TOMM20L: variants seen among roughly 807,000 people sequenced by gnomAD.
The protein encoded by TOMM20L is translocase of outer mitochondrial membrane 20 like, also known as TOMM20-like protein 1.
In TOMM20L, 19 loss-of-function variants were observed where a neutral mutation model predicts 20.4. That is an observed-to-expected ratio of 0.93 (90% confidence interval 0.65 to 1.36). The LOEUF (loss-of-function observed/expected upper bound fraction) is 1.36, where lower values mean the gene tolerates loss of function less well. TOMM20L is among the 40% of genes most tolerant of loss of function. The pLI, the probability that TOMM20L is intolerant of heterozygous loss-of-function variation, is 0.00. For missense variants in TOMM20L, 218 were observed against 203.7 expected, an observed-to-expected ratio of 1.07 and a Z score of -0.43; for synonymous variants, 75 against 79.6, an observed-to-expected ratio of 0.94 and a Z score of 0.30.
intron 2 of TOMM20L, among the ~76,000 whole-genome samples, chr14:58,397,276 A>G (rs544331271): frequency 2.9e-4 from 44 of 151,614 alleles, no homozygotes; most frequent in African/African-American, 8.2e-4. Context: ...GTGTATATAT[A>G]TGTGTGTGTG....
downstream of TOMM20L, chr14:58,411,763 C>T (rs1000605697): frequency 4.4e-6 from 3 of 683,800 alleles, no homozygotes; most frequent in African/African-American, 5.4e-5. Flanking sequence ...TCTTGAACTC[C>T]TGACTTCATG....
chr14:58,396,199 T>C, intron 1 of TOMM20L, 99 bp from the exon 2 acceptor site: 3 of 1,538,288 alleles, frequency 2.0e-6, no homozygotes, highest in East Asian at 5.1e-5. Flanking sequence ...CCTCAGCCTC[T>C]GCCGAGGGGC....
chr14:58,395,946 G>A lies in TOMM20L; in HGVS notation c.-12G>A, dbSNP rs1480679773. 7.3e-7 allele frequency: 1 copy of A among 1,376,730 alleles called. No homozygotes were observed. 85.3% of individuals were successfully genotyped at this position (1,376,730 alleles called of 1,614,324 possible). A position where few individuals can be genotyped will look rare whatever the true frequency, so the allele number is the denominator to read the frequency against. On this transcript the variant is annotated 5_prime_UTR_variant, in exon 1 of 5. Coordinates refer to ENST00000360945, the MANE Select transcript of TOMM20L (RefSeq NM_207377.3). Reference sequence around the variant, plus strand: ...GCGCCCAACGCTCGGCTTGTGGGACGCCCGCGGTCGGATGCCCTCCGTCCG... The same window carrying A: ...GCGCCCAACGCTCGGCTTGTGGGACACCCGCGGTCGGATGCCCTCCGTCCG...
chr14:58,408,630 T>A lies in TOMM20L; in HGVS notation c.*48T>A. On this transcript the variant is annotated 3_prime_UTR_variant, in exon 5 of 5. Transcript: ENST00000360945. ...GTCCAGTGAGAATACTATGGTACCA[T>A]ACAGTATAAACAACTGCTCAGTGAT... 2 of 1,528,888 alleles carry A rather than the reference T, an allele frequency of 1.3e-6. No individual in the cohort carries two copies. The highest frequency in any genetic ancestry group is 1.8e-6 in the Non-Finnish European group (2 of 1,113,088). 94.7% of individuals were successfully genotyped at this position (1,528,888 alleles called of 1,614,324 possible).
At chr14:58,396,209 C>A in intron 1 of TOMM20L, 89 bp from the exon 2 acceptor site, 1 of 1,565,592 alleles carries the variant, frequency 6.4e-7, no homozygotes. Flanking sequence ...TGCCGAGGGG[C>A]CCGCGGCGCC....
Position 58,396,037 on chromosome 14 carries a change from T to C in TOMM20L, c.80T>C (p.Ile27Thr). The C allele has an allele frequency of 6.9e-7, 1 of 1,439,590 alleles. No individual in the cohort carries two copies. Among genetic ancestry groups the C allele is most frequent in the Non-Finnish European group, 9.2e-7 (1 of 1,091,566 alleles). The allele number at this position is 1,439,590 out of a possible 1,614,324, so 89.2% of individuals were successfully genotyped here. Residue 27 changes from isoleucine (I) to threonine (T), a missense_variant, in exon 1 of 5, where the codon ATT (isoleucine) becomes ACT (threonine). Coordinates refer to ENST00000360945, the MANE Select transcript of TOMM20L (RefSeq NM_207377.3). The part of the protein sequence containing the change: ...CGAFAFLGYC[I>T]YLNRKRRGDP... ...GCCTTCGCCTTCCTGGGCTATTGTA[T>C]TTACCTCAACCGGAAGCGGCGCGGG...
chr14:58,396,061 G>A lies in TOMM20L; in HGVS notation c.104G>A (p.Gly35Glu), dbSNP rs1566740501. The change falls in exon 1 of 5, where the codon GGG (glycine) becomes GAG (glutamate). Residue 35 changes from glycine (G) to glutamate (E), a missense_variant. Transcript: ENST00000360945. ...ATTTACCTCAACCGGAAGCGGCGCG[G>A]GGACCCCGCGTTCAAGCGCCGCCTG... Reference protein sequence around the residue: ...YCIYLNRKRRGDPAFKRRLRD... With the variant: ...YCIYLNRKRREDPAFKRRLRD... 1 of 1,412,104 alleles carries A rather than the reference G, an allele frequency of 7.1e-7. No individual in the cohort carries two copies. Among genetic ancestry groups the A allele is most frequent in the Admixed American group, 2.6e-5 (1 of 37,968 alleles). 87.5% of individuals were successfully genotyped at this position (1,412,104 alleles called of 1,614,324 possible).
At chr14:58,402,871 C>G (rs1183361257) in intron 3 of TOMM20L, 110 bp downstream of exon 3, 1 of 769,032 alleles carries the variant, frequency 1.3e-6, no homozygotes, top group Non-Finnish European at 2.2e-6. Flanking sequence ...GCCAACTCCC[C>G]TCATTAAAGA....
At chr14:58,416,082 G>A in the TOMM20L span, among the ~76,000 whole-genome samples, 1 of 150,986 alleles carries the variant, frequency 6.6e-6, no homozygotes, top group African/African-American at 2.4e-5. Context: ...ACAAAAAGCA[G>A]CTGGCCGTGG....
downstream of TOMM20L, chr14:58,410,924 C>T (rs550364003): frequency 2.2e-5 from 36 of 1,612,304 alleles, no homozygotes; most frequent in South Asian, 3.8e-4. Context: ...TGTAGGTCCC[C>T]AGAAATTCCT....
At chr14:58,407,221 T>G in intron 3 of TOMM20L, 105 bp from the exon 4 acceptor site, 1 of 1,112,832 alleles carries the variant, frequency 9.0e-7, no homozygotes, top group Non-Finnish European at 1.3e-6. Flanking sequence ...TAGTCTTTAG[T>G]TGGATATGCT....
At chr14:58,409,259 G>T, downstream of TOMM20L, 1 of 1,443,192 alleles carries the variant, frequency 6.9e-7, no homozygotes, top group Non-Finnish European at 9.4e-7. Context: ...GGGGTAGTTT[G>T]CTTTTCTTTG....
At chr14:58,409,732 C>G (rs538163326), downstream of TOMM20L, among the ~76,000 whole-genome samples, 1 of 152,086 alleles carries the variant, frequency 6.6e-6, no homozygotes, top group South Asian at 2.1e-4. Flanking sequence ...GTGCCTGCCA[C>G]CATGCCTGGC....
At chr14:58,412,175 A>T, downstream of TOMM20L, 1 of 427,238 alleles carries the variant, frequency 2.3e-6, no homozygotes, top group Non-Finnish European at 4.3e-6. Context: ...ACGGAGTCTC[A>T]CTCTGTCACC....
At chr14:58,415,882 G>A in the TOMM20L span, among the ~76,000 whole-genome samples, 6 of 151,932 alleles carry the variant, frequency 3.9e-5, no homozygotes, top group African/African-American at 7.3e-5. Context: ...GCATAAACCC[G>A]ATGAAACCTA....
At chr14:58,405,288 C>T (rs548795541) in intron 3 of TOMM20L, among the ~76,000 whole-genome samples, 22 of 152,154 alleles carry the variant, frequency 1.4e-4, no homozygotes, top group African/African-American at 5.1e-4. Flanking sequence ...ATTTTGTACT[C>T]ATAATTTTAT....
intron 3 of TOMM20L, among the ~76,000 whole-genome samples, chr14:58,404,968 A>AT (rs536048633): frequency 0.017 from 2,489 of 143,212 alleles, 26 homozygotes; most frequent in African/African-American, 0.033. Context: ...CCCCCTAGCA[A>AT]TTTTTTTTTT....
At chr14:58,407,267 T>C in intron 3 of TOMM20L, 59 bp from the exon 4 acceptor site, 1 of 1,503,998 alleles carries the variant, frequency 6.6e-7, no homozygotes, top group Non-Finnish European at 8.9e-7. Context: ...CTTGGATTTG[T>C]AGAATGTCTG....
chr14:58,414,036 A>AAAG, the TOMM20L span, among the ~76,000 whole-genome samples: 1 of 144,304 alleles, frequency 6.9e-6, no homozygotes, highest in Admixed American at 7.0e-5. Flanking sequence ...AAAAAAAAAA[A>AAAG]GGTTTGTATA....
Sources: allele counts gnomAD v4.1 joint callset (sites outside exome capture counted in the v4.1 genomes callset), GRCh38; gene constraint gnomAD v4.1.1; transcripts MANE v1.5; gene names NCBI Gene and HGNC (gene_info 2026-07-23, HGNC 2026-07-21).